The following RTL4 variants were observed in gnomAD, a reference collection of about 807,000 sequenced individuals.
RTL4 encodes retrotransposon Gag like 4, also known as retrotransposon Gag-like protein 4.
Under a neutral mutation model 5.3 loss-of-function variants are expected in RTL4, and 4 were observed. The ratio of observed to expected loss-of-function variants is 0.75; its 90% CI spans 0.37 to 1.72. The LOEUF (loss-of-function observed/expected upper bound fraction) is 1.72. Ranked by LOEUF, RTL4 falls within the 40% of genes most tolerant of loss-of-function variation. The probability of loss-of-function intolerance (pLI) is 0.04; values close to 1 mark genes in which losing one functional copy is unlikely to be tolerated. For missense variants in RTL4, 260 were observed against 227.1 expected (o/e 1.14, Z -0.93); for synonymous variants, 98 against 87.3 (o/e 1.12, Z -0.68).
At chrX:112,140,324 G>A in the RTL4 span, among the ~76,000 whole-genome samples, 2 of 111,766 alleles carry the variant, frequency 1.8e-5, no homozygotes, top group East Asian at 5.7e-4. Context: ...TATGAAAAAT[G>A]AATATCTGGG....
At chrX:112,117,620 G>A in the RTL4 span, among the ~76,000 whole-genome samples, 6 of 111,046 alleles carry the variant, frequency 5.4e-5, no homozygotes, top group Middle Eastern at 4.8e-3. Context: ...AACCTTACTT[G>A]AAATCAGATA....
the RTL4 span, among the ~76,000 whole-genome samples, chrX:112,337,546 G>A: frequency 1.8e-5 from 2 of 111,738 alleles, no homozygotes; most frequent in African/African-American, 3.3e-5. Context: ...GCCTCCCAAA[G>A]TGCTGGGACT....
chrX:112,314,999 C>A, the RTL4 span, among the ~76,000 whole-genome samples: 8 of 111,759 alleles, frequency 7.2e-5, no homozygotes, highest in African/African-American at 2.6e-4. Flanking sequence ...ACAATCATAG[C>A]CCATCATTGG....
chrX:112,380,711 G>A, the RTL4 span, among the ~76,000 whole-genome samples: 1 of 112,702 alleles, frequency 8.9e-6, no homozygotes, highest in African/African-American at 3.2e-5. Context: ...AGGAGCGGGT[G>A]AAGGGGCGCG....
chrX:112,242,066 G>T, the RTL4 span, among the ~76,000 whole-genome samples: 1 of 111,478 alleles, frequency 9.0e-6, no homozygotes, highest in African/African-American at 3.3e-5. Flanking sequence ...TCTCTGTTTT[G>T]GTACCAGTAC....
At chrX:112,236,482 G>T in the RTL4 span, among the ~76,000 whole-genome samples, 78 of 80,089 alleles carry the variant, frequency 9.7e-4, 1 homozygote, top group Non-Finnish European at 1.3e-3. Flanking sequence ...TATAGATATA[G>T]ATCTATATCT....
the RTL4 span, among the ~76,000 whole-genome samples, chrX:112,267,667 TC>T: frequency 4.5e-5 from 5 of 111,616 alleles, no homozygotes; most frequent in South Asian, 1.5e-3. Flanking sequence ...AAAATGGAAT[TC>T]CCCATCTTCA....
At chrX:112,398,561 G>A in the RTL4 span, among the ~76,000 whole-genome samples, 2 of 108,510 alleles carry the variant, frequency 1.8e-5, no homozygotes, top group African/African-American at 3.4e-5. Flanking sequence ...CACCACACTC[G>A]GCTAATTTTT....
chrX:112,228,129 A>G, the RTL4 span, among the ~76,000 whole-genome samples: 1 of 111,514 alleles, frequency 9.0e-6, no homozygotes, highest in Non-Finnish European at 1.9e-5. Flanking sequence ...GACTTTTTCA[A>G]TGCTCAGTCC....
the RTL4 span, among the ~76,000 whole-genome samples, chrX:112,159,721 GA>G: frequency 3.6e-5 from 4 of 110,930 alleles, no homozygotes; most frequent in Non-Finnish European, 5.7e-5. Flanking sequence ...CCTCAGCATT[GA>G]AGACTCTTAA....
At chrX:112,437,519 G>T in the RTL4 span, among the ~76,000 whole-genome samples, 36 of 109,923 alleles carry the variant, frequency 3.3e-4, no homozygotes, top group Non-Finnish European at 5.9e-4. Context: ...ACACTACTTT[G>T]TACCCAATAT....
At chrX:112,257,690 T>C in the RTL4 span, among the ~76,000 whole-genome samples, 1 of 109,737 alleles carries the variant, frequency 9.1e-6, no homozygotes, top group Non-Finnish European at 1.9e-5. Flanking sequence ...TTCTCTGAGC[T>C]AATTACCTCC....
chrX:112,112,211 A>G, the RTL4 span, among the ~76,000 whole-genome samples: 2 of 112,031 alleles, frequency 1.8e-5, no homozygotes, highest in African/African-American at 3.2e-5. Context: ...GAACTCCAAG[A>G]GCTATTCCTG....
chrX:112,398,689 G>C, the RTL4 span, among the ~76,000 whole-genome samples: 4 of 111,218 alleles, frequency 3.6e-5, no homozygotes, highest in Non-Finnish European at 5.7e-5. Flanking sequence ...GTGAGCCACC[G>C]CACCTGGCCT....
At chrX:112,170,115 T>A in the RTL4 span, among the ~76,000 whole-genome samples, 27 of 112,163 alleles carry the variant, frequency 2.4e-4, no homozygotes, top group African/African-American at 8.4e-4. Flanking sequence ...TCCATTGGTC[T>A]TTGTGTCTGT....
At chrX:112,294,679 T>G in the RTL4 span, among the ~76,000 whole-genome samples, 1 of 112,356 alleles carries the variant, frequency 8.9e-6, no homozygotes, top group Non-Finnish European at 1.9e-5. Context: ...ATATCTGCTA[T>G]GTAGTTTGGC....
chrX:112,410,840 C>A, the RTL4 span, among the ~76,000 whole-genome samples: 5 of 110,876 alleles, frequency 4.5e-5, no homozygotes, highest in Non-Finnish European at 9.5e-5. Flanking sequence ...AATGCAAGGA[C>A]AAACCAAAAT....
the RTL4 span, among the ~76,000 whole-genome samples, chrX:112,366,714 C>A: frequency 8.9e-6 from 1 of 112,180 alleles, no homozygotes; most frequent in Non-Finnish European, 1.9e-5. Context: ...TTTGTGCAAA[C>A]ATCAAATATG....
At chrX:112,247,528 G>C in the RTL4 span, among the ~76,000 whole-genome samples, 1 of 112,055 alleles carries the variant, frequency 8.9e-6, no homozygotes, top group African/African-American at 3.2e-5. Context: ...CAGGAACTAT[G>C]ATGAGTTCAT....
Sources: allele counts gnomAD v4.1 joint callset (sites outside exome capture counted in the v4.1 genomes callset), GRCh38; gene constraint gnomAD v4.1.1; transcripts MANE v1.5; gene names NCBI Gene and HGNC (gene_info 2026-07-23, HGNC 2026-07-21).